Variants in JAK1 observed in about 807,000 individuals in gnomAD.
JAK1 encodes the protein tyrosine-protein kinase JAK1.
JAK1 carries 16 observed loss-of-function variants against 136.6 expected under a neutral mutation model. The ratio of observed to expected loss-of-function variants is 0.12; its 90% CI spans 0.08 to 0.18. The LOEUF (loss-of-function observed/expected upper bound fraction) is 0.18, where lower values mean the gene tolerates loss of function less well. JAK1 is among the 10% of genes least tolerant of loss of function. The pLI, the probability that JAK1 is intolerant of heterozygous loss-of-function variation, is 1.00. For missense variants in JAK1, 859 were observed against 1,450.1 expected (o/e 0.59, Z 6.62); for synonymous variants, 492 against 519.5 (o/e 0.95, Z 0.72).
intron 1 of JAK1, among the ~76,000 whole-genome samples, chr1:64,898,111 G>C (rs1470797373): frequency 6.6e-6 from 1 of 152,168 alleles, no homozygotes; most frequent in Non-Finnish European, 1.5e-5. Context: ...AAAATGAGAA[G>C]CTAGAGGTTT....
chr1:64,860,212 T>C lies in JAK1; in HGVS notation c.1227A>G (p.Val409=), dbSNP rs1488351654. ...CTGCTGTGAGCCGGAAGTAGCCATC[T>C]ACCAGGGACACAAAGGACAAGGCCT... The part of the protein sequence containing the change: ...HEEALSFVSL[V]DGYFRLTADA... The change falls in exon 9 of 25, where the codon GTA becomes GTG. Residue 409 remains valine (V), a synonymous_variant. Coordinates refer to ENST00000342505, the MANE Select transcript of JAK1 (RefSeq NM_002227.4). The C allele has an allele frequency of 2.5e-6, 4 of 1,611,720 alleles. No homozygotes were observed. In the South Asian group the frequency reaches 3.3e-5, roughly 13 times the overall value.
At chr1:64,865,034 G>A in intron 7 of JAK1, 62 bp from the exon 8 acceptor site, 2 of 1,372,956 alleles carry the variant, frequency 1.5e-6, no homozygotes, top group Non-Finnish European at 2.0e-6. Context: ...TTGGTAAAAG[G>A]TCAGTGCTGC....
At chr1:64,989,002 G>GTATATATATA (rs57569640) in intron 2 of JAK1, among the ~76,000 whole-genome samples, 243 of 129,210 alleles carry the variant, frequency 1.9e-3, no homozygotes, top group Non-Finnish European at 3.3e-3. Flanking sequence ...GTGTGTGTGT[G>GTATATATATA]TATATATATA....
upstream of JAK1, among the ~76,000 whole-genome samples, chr1:64,970,170 G>A (rs1172454605): frequency 6.9e-6 from 1 of 144,480 alleles, no homozygotes; most frequent in Non-Finnish European, 1.5e-5. Flanking sequence ...CGGGCACAGT[G>A]GCTCACACCT....
In JAK1 at chr1:65,001,244, A is replaced by G. The variant is rs373061090; in HGVS notation, c.-78+43236T>C. Among the ~76,000 whole-genome samples, 29 of 152,224 alleles carry G rather than the reference A, an allele frequency of 1.9e-4. 5 individuals are homozygous for G. Among genetic ancestry groups the G allele is most frequent in the Admixed American group, 3.3e-4 (5 of 15,292 alleles). On this transcript the variant is annotated intron_variant, in intron 2 of 25. Coordinates refer to the JAK1 transcript ENST00000671954. Reference sequence around the variant, plus strand: ...AAAGCCTGTTTCCTTAATCTTCATAATTTTGGACATTCCACAGCCCGACCC... The same window carrying G: ...AAAGCCTGTTTCCTTAATCTTCATAGTTTTGGACATTCCACAGCCCGACCC...
intron 1 of JAK1, among the ~76,000 whole-genome samples, chr1:64,948,001 C>T (rs1167264039): frequency 6.6e-6 from 1 of 151,990 alleles, no homozygotes; most frequent in African/African-American, 2.4e-5. Flanking sequence ...AAGAGAATGC[C>T]TAAATATTAG....
rs867112642 is a variant in JAK1, at chr1:64,941,981, G to A, written c.-78+24352C>T. ...CGACTGTGTCAGCTTGGTTGTTCCT[G>A]ACAAATACAAGAACGATCCAGAATT... On this transcript the variant is annotated intron_variant, in intron 1 of 24. Coordinates refer to ENST00000342505, the MANE Select transcript of JAK1 (RefSeq NM_002227.4). The A allele has an allele frequency of 1.4e-4, 22 of 152,204 alleles. No individual in the cohort carries two copies. In the Middle Eastern group the frequency reaches 0.01, roughly 71 times the overall value. 9.4% of individuals were successfully genotyped at this position (152,204 alleles called of 1,614,324 possible). A position where few individuals can be genotyped will look rare whatever the true frequency, so the allele number is the denominator to read the frequency against.
At chr1:64,842,283 CTTT>C (rs144657292) in intron 17 of JAK1, among the ~76,000 whole-genome samples, 2 of 151,992 alleles carry the variant, frequency 1.3e-5, no homozygotes, top group African/African-American at 4.8e-5. Flanking sequence ...TTGCTGTTTT[CTTT>C]TTTTAATAGT....
At position 65,023,748 on chromosome 1, in the gene JAK1, G is replaced by A. The variant is rs944728255; in HGVS notation, c.-78+20732C>T. Among the ~76,000 whole-genome samples, 14 of 152,088 alleles carry A rather than the reference G, an allele frequency of 9.2e-5. No individual in the cohort carries two copies. In the East Asian group the frequency reaches 1.5e-3, roughly 17 times the overall value. ...TCCACACACCTCGGCCTCCCAAAGT[G>A]CTGGGATTACAGGTGTGAGCTACTG... On this transcript the variant is annotated intron_variant, in intron 2 of 25. Coordinates refer to the JAK1 transcript ENST00000671954.
chr1:65,012,203 T>C (rs1473217031), intron 2 of JAK1, among the ~76,000 whole-genome samples: 1 of 152,176 alleles, frequency 6.6e-6, no homozygotes. Flanking sequence ...AAGAGGCCTA[T>C]AATGCTGGTG....
intron 1 of JAK1, among the ~76,000 whole-genome samples, chr1:65,046,297 C>T (rs973643921): frequency 1.6e-4 from 24 of 152,180 alleles, no homozygotes; most frequent in African/African-American, 5.8e-4. Context: ...ACCCCACCTG[C>T]AGGCCCGGAT....
chr1:65,000,262 C>A (rs577805027), intron 2 of JAK1, among the ~76,000 whole-genome samples: 1 of 152,214 alleles, frequency 6.6e-6, no homozygotes, highest in South Asian at 2.1e-4. Context: ...CTTAAAAGAT[C>A]ATTGTAGGGC....
intron 8 of JAK1, among the ~76,000 whole-genome samples, chr1:64,862,501 G>C (rs1381564853): frequency 6.6e-6 from 1 of 152,226 alleles, no homozygotes; most frequent in African/African-American, 2.4e-5. Context: ...GAGGAATCAA[G>C]TATTTCTTTC....
chr1:65,018,442 A>G (rs951101362), intron 2 of JAK1, among the ~76,000 whole-genome samples: 1 of 151,336 alleles, frequency 6.6e-6, no homozygotes, highest in African/African-American at 2.4e-5. Context: ...GGTGAAACTA[A>G]TGAGAGACAC....
At chr1:65,001,615 T>C (rs114385624) in intron 2 of JAK1, among the ~76,000 whole-genome samples, 2,601 of 149,024 alleles carry the variant, frequency 0.017, 32 homozygotes, top group Non-Finnish European at 0.029. Flanking sequence ...GCGTGATATG[T>C]GTGTTTGAGA....
chr1:65,040,593 C>T (rs921318628), intron 2 of JAK1, among the ~76,000 whole-genome samples: 8 of 151,788 alleles, frequency 5.3e-5, no homozygotes, highest in South Asian at 4.2e-4. Context: ...CTTTATTCTA[C>T]GGACCATTAT....
intron 1 of JAK1, among the ~76,000 whole-genome samples, chr1:64,902,655 T>C (rs1277848635): frequency 6.8e-6 from 1 of 146,530 alleles, no homozygotes; most frequent in Non-Finnish European, 1.5e-5. Context: ...ATTTAAATAA[T>C]AGGAAGAAGG....
Position 64,864,860 on chromosome 1 carries a change from T to C in JAK1, c.1103A>G (p.Tyr368Cys). The C allele has an allele frequency of 6.2e-7, 1 of 1,613,760 alleles. No individual in the cohort carries two copies. Among genetic ancestry groups the C allele is most frequent in the Non-Finnish European group, 8.5e-7 (1 of 1,179,678 alleles). Residue 368 changes from tyrosine to cysteine, a missense_variant, in exon 8 of 25, where the codon TAC becomes TGC. Physicochemically the swap from Tyr to Cys is radical, Grantham distance 194. Coordinates refer to ENST00000342505, the MANE Select transcript of JAK1 (RefSeq NM_002227.4). ...KIREEWNNFS[Y>C]FPEITHIVIK... ...TACAATGTGAGTGATTTCAGGGAAG[T>C]AAGAAAAATTGTTCCACTCTTCCCG...
At chr1:65,059,436 T>G (rs1421966787) in intron 1 of JAK1, among the ~76,000 whole-genome samples, 1 of 152,264 alleles carries the variant, frequency 6.6e-6, no homozygotes, top group Non-Finnish European at 1.5e-5. Flanking sequence ...CTTTCATTCC[T>G]CTTGCTCTGA....
Sources: allele counts gnomAD v4.1 joint callset (sites outside exome capture counted in the v4.1 genomes callset), GRCh38; gene constraint gnomAD v4.1.1; transcripts MANE v1.5; gene names NCBI Gene and HGNC (gene_info 2026-07-23, HGNC 2026-07-21).